TASP1: variants seen among roughly 807,000 people sequenced by gnomAD.
TASP1 encodes the protein taspase 1, also known as threonine aspartase 1.
TASP1 carries 16 observed loss-of-function variants against 56.6 expected under a neutral mutation model. The ratio of observed to expected loss-of-function variants is 0.28; its 90% CI spans 0.19 to 0.43. TASP1 has a LOEUF of 0.43. TASP1 is among the 20% of genes least tolerant of loss of function. The pLI, the probability that TASP1 is intolerant of heterozygous loss-of-function variation, is 1.00. For synonymous variants in TASP1, 179 were observed against 184.2 expected, an observed-to-expected ratio of 0.97 and a Z score of 0.23; for missense variants, 393 against 511.6, an observed-to-expected ratio of 0.77 and a Z score of 2.24.
At chr20:13,564,438 C>T (rs1016927663) in intron 7 of TASP1, among the ~76,000 whole-genome samples, 14 of 151,796 alleles carry the variant, frequency 9.2e-5, no homozygotes, top group African/African-American at 2.9e-4. Flanking sequence ...AAATTAAAGA[C>T]GTTAATAATG....
In TASP1 at chr20:13,500,167, A is replaced by G. The variant is rs528474525; in HGVS notation, c.875-16830T>C. On this transcript the variant is annotated intron_variant, in intron 10 of 13. Coordinates refer to ENST00000337743, the MANE Select transcript of TASP1 (RefSeq NM_017714.3). ...ACATATATAAATGTTTTATATGTAT[A>G]AAGGGCTGAAATGTTTTATATGTAT... Among the ~76,000 whole-genome samples, 44 of 151,266 alleles carry G rather than the reference A, an allele frequency of 2.9e-4. No individual in the cohort carries two copies. The South Asian group carries it at 8.9e-3, about 30-fold the overall frequency.
At chr20:13,278,127 G>A in the TASP1 span, among the ~76,000 whole-genome samples, 1 of 152,124 alleles carries the variant, frequency 6.6e-6, no homozygotes, top group Admixed American at 6.5e-5. Flanking sequence ...TCATCCAGGG[G>A]GTGTTGCAAG....
intron 7 of TASP1, among the ~76,000 whole-genome samples, chr20:13,564,567 T>G (rs946382658): frequency 1.4e-4 from 21 of 151,926 alleles, no homozygotes; most frequent in African/African-American, 5.1e-4. Flanking sequence ...TTTTTTTTTT[T>G]TTAAGAAATA....
chr20:13,497,547 AAATAG>A (rs1311175449), intron 10 of TASP1, among the ~76,000 whole-genome samples: 4 of 152,334 alleles, frequency 2.6e-5, no homozygotes, highest in East Asian at 1.9e-4. Flanking sequence ...ATAAATAGAT[AAATAG>A]ATAAAGAGAT....
In TASP1 at chr20:13,475,567, T is replaced by A. The variant is rs536225281; in HGVS notation, c.985+7660A>T. ...AAAACATCAATATTTAAAACACACA[T>A]TTCATATTTTCTATCTAGTAATTCT... is the stretch of plus-strand genomic sequence containing the variant. On this transcript the variant is annotated intron_variant, in intron 11 of 13. Coordinates refer to ENST00000337743, the MANE Select transcript of TASP1 (RefSeq NM_017714.3). 2.6e-5 allele frequency among the ~76,000 whole-genome samples: 4 copies of A among 152,256 alleles called. No homozygotes were observed. In the South Asian group the frequency reaches 8.3e-4, roughly 32 times the overall value.
chr20:13,123,050 G>T, the TASP1 span, among the ~76,000 whole-genome samples: 2 of 152,146 alleles, frequency 1.3e-5, no homozygotes, highest in African/African-American at 2.4e-5. Context: ...ACAATACTCG[G>T]CCAGGCGTGG....
At chr20:13,379,633 T>C in the TASP1 span, among the ~76,000 whole-genome samples, 1 of 152,180 alleles carries the variant, frequency 6.6e-6, no homozygotes, top group East Asian at 1.9e-4. Context: ...TCTTGGTGGG[T>C]TGGGGAAGTT....
At chr20:13,367,990 G>T in the TASP1 span, among the ~76,000 whole-genome samples, 67 of 152,252 alleles carry the variant, frequency 4.4e-4, 1 homozygote, top group East Asian at 8.3e-3. Flanking sequence ...CCAAAGTTCT[G>T]CAATACATAA....
chr20:13,298,886 C>T, the TASP1 span: 1 of 1,567,324 alleles, frequency 6.4e-7, no homozygotes, highest in Admixed American at 1.8e-5. Context: ...CCTTGAAGCA[C>T]CTCCTGTGGG....
the TASP1 span, among the ~76,000 whole-genome samples, chr20:13,108,848 G>A: frequency 6.6e-6 from 1 of 152,162 alleles, no homozygotes; most frequent in Admixed American, 6.5e-5. Context: ...ATTTTAAATG[G>A]TGTTTCTAAT....
chr20:13,488,384 A>G (rs1222672668), intron 10 of TASP1, among the ~76,000 whole-genome samples: 1 of 152,152 alleles, frequency 6.6e-6, no homozygotes, highest in Non-Finnish European at 1.5e-5. Flanking sequence ...CAAGCAACAA[A>G]AGAAGCCGCA....
the TASP1 span, among the ~76,000 whole-genome samples, chr20:13,218,292 AAGAG>A: frequency 6.6e-6 from 1 of 152,038 alleles, no homozygotes; most frequent in Admixed American, 6.6e-5. Flanking sequence ...AAAAAAAGGA[AAGAG>A]AGAGTGTGTG....
At chr20:13,310,512 T>C in the TASP1 span, among the ~76,000 whole-genome samples, 9 of 152,212 alleles carry the variant, frequency 5.9e-5, no homozygotes, top group African/African-American at 1.9e-4. Flanking sequence ...ACATTGGTCT[T>C]GGCAGAGATT....
At chr20:13,326,824 G>A in the TASP1 span, among the ~76,000 whole-genome samples, 3 of 151,940 alleles carry the variant, frequency 2.0e-5, no homozygotes, top group Non-Finnish European at 4.4e-5. Context: ...AAAATAATAA[G>A]AGCCATATAT....
chr20:13,111,019 G>A, the TASP1 span, among the ~76,000 whole-genome samples: 114,160 of 151,972 alleles, frequency 0.75, 44,025 homozygotes, highest in African/African-American at 0.94. Flanking sequence ...TTTTTCTGCT[G>A]CATGAGTGGA....
At chr20:13,563,892 T>A (rs1300172154) in intron 7 of TASP1, among the ~76,000 whole-genome samples, 1 of 152,142 alleles carries the variant, frequency 6.6e-6, no homozygotes, top group Non-Finnish European at 1.5e-5. Context: ...AGAAAGAAAC[T>A]ACTTCAACAT....
At chr20:13,335,324 GCACACACACACACACA>G in the TASP1 span, among the ~76,000 whole-genome samples, 3 of 141,542 alleles carry the variant, frequency 2.1e-5, no homozygotes, top group South Asian at 2.3e-4. Context: ...CCTCACCTAT[GCACACACACACACACA>G]CACACACACA....
the TASP1 span, among the ~76,000 whole-genome samples, chr20:13,311,154 A>AT: frequency 6.6e-6 from 1 of 152,100 alleles, no homozygotes; most frequent in African/African-American, 2.4e-5. Flanking sequence ...AGATCATGCC[A>AT]TTGCACTCCA....
chr20:13,383,441 T>G, the TASP1 span, among the ~76,000 whole-genome samples: 1 of 152,196 alleles, frequency 6.6e-6, no homozygotes, highest in Non-Finnish European at 1.5e-5. Context: ...GTGGTGGCCC[T>G]CAGTGAATCT....
Sources: allele counts gnomAD v4.1 joint callset (sites outside exome capture counted in the v4.1 genomes callset), GRCh38; gene constraint gnomAD v4.1.1; transcripts MANE v1.5; gene names NCBI Gene and HGNC (gene_info 2026-07-23, HGNC 2026-07-21).